DOCK4: variants seen among roughly 807,000 people sequenced by gnomAD.
DOCK4 encodes the protein dedicator of cytokinesis protein 4.
Under a neutral mutation model 268.1 loss-of-function variants are expected in DOCK4, and 97 were observed. The observed-to-expected ratio is 0.36, with a 90% CI of 0.31 to 0.43. The LOEUF (loss-of-function observed/expected upper bound fraction) is 0.43. Among genes scored for constraint, DOCK4 ranks in the 20% least tolerant of loss-of-function variants. The pLI is 1.00. For synonymous variants in DOCK4, 954 were observed against 887.2 expected (o/e 1.08, Z -1.34); for missense variants, 2,145 against 2,455.7 (o/e 0.87, Z 2.67).
chr7:111,984,196 T>A (rs1798860485), intron 7 of DOCK4, 110 bp downstream of exon 7: 2 of 998,342 alleles, frequency 2.0e-6, no homozygotes, highest in African/African-American at 3.3e-5. Context: ...TTACTCTCTC[T>A]AAATTAATCC....
chr7:112,058,629 T>C (rs1806067993), intron 1 of DOCK4, among the ~76,000 whole-genome samples: 1 of 152,172 alleles, frequency 6.6e-6, no homozygotes, highest in African/African-American at 2.4e-5. Context: ...TCTCAGGGCT[T>C]CAATGAAGCA....
rs183355283 is a variant in DOCK4, at chr7:112,003,190, G to A, written c.121+858C>T. Among the ~76,000 whole-genome samples the A allele has an allele frequency of 2.2e-3, 334 of 152,160 alleles. 2 individuals are homozygous for A. The highest frequency in any genetic ancestry group is 6.8e-3 in the Middle Eastern group (2 of 294). On this transcript the variant is annotated intron_variant, in intron 2 of 52. Coordinates refer to ENST00000428084, the MANE Select transcript of DOCK4 (RefSeq NM_001363540.2). ...GAGGCCAAGAGTTTGAGACGAGCAT[G>A]GGCAATATGGTGAGACTCTGTCTCT...
chr7:111,946,823 C>A (rs981266546), intron 8 of DOCK4, among the ~76,000 whole-genome samples: 4 of 152,190 alleles, frequency 2.6e-5, no homozygotes, highest in Non-Finnish European at 4.4e-5. Context: ...CTCAAGTGAT[C>A]TGCCTGCTTC....
At chr7:111,988,814 G>A (rs574531258) in intron 6 of DOCK4, among the ~76,000 whole-genome samples, 6 of 152,156 alleles carry the variant, frequency 3.9e-5, no homozygotes, top group South Asian at 2.1e-4. Context: ...GACAACAAAC[G>A]ACATTTCAGT....
At chr7:111,822,601 G>A in intron 26 of DOCK4, 145 bp from the exon 27 acceptor site, 1 of 699,140 alleles carries the variant, frequency 1.4e-6, no homozygotes, top group South Asian at 2.1e-5. Flanking sequence ...GTTTGCCCAA[G>A]GGAAGGAGTC....
intron 6 of DOCK4, among the ~76,000 whole-genome samples, chr7:111,986,868 C>CA (rs1250476553): frequency 6.6e-6 from 1 of 152,164 alleles, no homozygotes; most frequent in African/African-American, 2.4e-5. Context: ...GTTTGATATA[C>CA]AACGTGAGAT....
chr7:112,204,054 A>C (rs1453306419), intron 1 of DOCK4, among the ~76,000 whole-genome samples: 1 of 152,150 alleles, frequency 6.6e-6, no homozygotes, highest in African/African-American at 2.4e-5. Flanking sequence ...AATTGTGAGC[A>C]CACCCTTCTG....
At chr7:112,022,466 C>A (rs982261899) in intron 1 of DOCK4, among the ~76,000 whole-genome samples, 3 of 151,216 alleles carry the variant, frequency 2.0e-5, no homozygotes, top group Non-Finnish European at 4.4e-5. Context: ...GAAGCAGGCA[C>A]AGAGTAGCGG....
chr7:112,182,822 T>C (rs1819172873), intron 1 of DOCK4, among the ~76,000 whole-genome samples: 1 of 152,194 alleles, frequency 6.6e-6, no homozygotes, highest in Non-Finnish European at 1.5e-5. Flanking sequence ...AGACACAGAA[T>C]ACAATGAGAA....
intron 23 of DOCK4, among the ~76,000 whole-genome samples, chr7:111,850,011 T>A (rs1804417784): frequency 6.6e-6 from 1 of 152,158 alleles, no homozygotes; most frequent in African/African-American, 2.4e-5. Context: ...CACCCAGCCT[T>A]GTAAAAATTG....
chr7:111,781,098 A>G (rs1343009977), intron 35 of DOCK4, among the ~76,000 whole-genome samples: 1 of 152,226 alleles, frequency 6.6e-6, no homozygotes, highest in Non-Finnish European at 1.5e-5. Flanking sequence ...CTTCTTTTAT[A>G]CCAATTGTGG....
chr7:111,939,536 T>G (rs899996199), intron 11 of DOCK4, among the ~76,000 whole-genome samples: 2 of 151,162 alleles, frequency 1.3e-5, no homozygotes, highest in Non-Finnish European at 2.9e-5. Flanking sequence ...AAAAAAAAAT[T>G]TACTTATGCC....
intron 27 of DOCK4, among the ~76,000 whole-genome samples, chr7:111,813,947 CAT>C (rs1413227147): frequency 6.6e-6 from 1 of 152,196 alleles, no homozygotes; most frequent in Non-Finnish European, 1.5e-5. Context: ...GTATGCTTAA[CAT>C]GTGGTTATAA....
chr7:112,119,610 A>G (rs554646874), intron 1 of DOCK4, among the ~76,000 whole-genome samples: 1 of 152,282 alleles, frequency 6.6e-6, no homozygotes, highest in African/African-American at 2.4e-5. Context: ...CCCTTTCATA[A>G]GGAAACAGAA....
At chr7:112,111,627 C>G (rs571782853) in intron 1 of DOCK4, among the ~76,000 whole-genome samples, 1 of 152,206 alleles carries the variant, frequency 6.6e-6, no homozygotes, top group African/African-American at 2.4e-5. Context: ...ATGTATCACT[C>G]CCTAACCTTC....
chr7:111,764,074 T>C (rs1797621822), intron 39 of DOCK4, among the ~76,000 whole-genome samples: 1 of 152,172 alleles, frequency 6.6e-6, no homozygotes. Context: ...CCCACTACAC[T>C]GTGTGGAGTC....
intron 8 of DOCK4, among the ~76,000 whole-genome samples, chr7:111,952,221 G>GGACC (rs1176191405): frequency 1.3e-5 from 2 of 152,148 alleles, no homozygotes; most frequent in African/African-American, 4.8e-5. Flanking sequence ...CTGCTCAGTT[G>GGACC]AACTACTGAT....
intron 26 of DOCK4, among the ~76,000 whole-genome samples, chr7:111,827,378 T>C: frequency 6.6e-6 from 1 of 152,224 alleles, no homozygotes. Flanking sequence ...GAGCATGCAT[T>C]CTTTCAACAA....
chr7:111,909,969 A>G (rs1025521348), intron 13 of DOCK4, among the ~76,000 whole-genome samples: 1 of 151,532 alleles, frequency 6.6e-6, no homozygotes, highest in African/African-American at 2.4e-5. Context: ...TTAAAAAAAA[A>G]GAAAAAAGAA....
Sources: gnomAD v4.1 joint callset for allele counts (sites outside exome capture counted in the v4.1 genomes callset) on GRCh38, gnomAD v4.1.1 for gene constraint, MANE v1.5 for transcripts, NCBI Gene and HGNC (gene_info 2026-07-23, HGNC 2026-07-21) for gene names.